Variants in GRM7 observed in about 807,000 individuals in gnomAD.
GRM7 encodes the protein metabotropic glutamate receptor 7.
Under a neutral mutation model 84.5 loss-of-function variants are expected in GRM7, and 35 were observed. The observed-to-expected ratio is 0.41, with a 90% CI of 0.32 to 0.55. The LOEUF is 0.55. Ranked by LOEUF, GRM7 falls within the 20% of genes least tolerant of loss-of-function variation. The pLI, the probability that GRM7 is intolerant of heterozygous loss-of-function variation, is 0.19. For synonymous variants in GRM7, 487 were observed against 455.1 expected, an observed-to-expected ratio of 1.07 and a Z score of -0.89; for missense variants, 1,003 against 1,194.6, an observed-to-expected ratio of 0.84 and a Z score of 2.36.
chr3:7,606,594 C>T (rs571616479), intron 8 of GRM7, among the ~76,000 whole-genome samples: 20 of 152,184 alleles, frequency 1.3e-4, no homozygotes, highest in Non-Finnish European at 2.1e-4. Flanking sequence ...TGTGCAGTGG[C>T]GCAATCTCGG....
chr3:7,739,463 T>C (rs185278827), intron 9 of GRM7, among the ~76,000 whole-genome samples: 34 of 152,276 alleles, frequency 2.2e-4, no homozygotes, highest in African/African-American at 6.7e-4. Context: ...CTGTGCCCAA[T>C]AGAAACTGAT....
chr3:7,717,430 T>C (rs1701804509), intron 9 of GRM7, among the ~76,000 whole-genome samples: 1 of 152,172 alleles, frequency 6.6e-6, no homozygotes, highest in Non-Finnish European at 1.5e-5. Context: ...GTATATATTT[T>C]TTCTCCACCA....
intron 7 of GRM7, among the ~76,000 whole-genome samples, chr3:7,574,818 T>C (rs1694880656): frequency 6.6e-6 from 1 of 152,178 alleles, no homozygotes; most frequent in Non-Finnish European, 1.5e-5. Context: ...TGAGCTTTCT[T>C]TCAAAGCGAT....
At chr3:7,693,692 G>C in intron 9 of GRM7, 3 of 1,513,846 alleles carry the variant, frequency 2.0e-6, no homozygotes, top group Non-Finnish European at 2.7e-6. Flanking sequence ...GATTGTCTGA[G>C]GCAAGTATCT....
chr3:7,643,039 G>A (rs745569039), intron 8 of GRM7, among the ~76,000 whole-genome samples: 1 of 152,094 alleles, frequency 6.6e-6, no homozygotes, highest in Non-Finnish European at 1.5e-5. Flanking sequence ...TTAAGACGGG[G>A]CTTTTTGCAG....
intron 1 of GRM7, among the ~76,000 whole-genome samples, chr3:6,894,582 T>C (rs1209563847): frequency 1.3e-5 from 2 of 152,166 alleles, no homozygotes; most frequent in Non-Finnish European, 2.9e-5. Context: ...TGTGTGTATA[T>C]ATGTATATAC....
At chr3:7,377,897 C>T (rs1361424653) in intron 4 of GRM7, among the ~76,000 whole-genome samples, 1 of 152,092 alleles carries the variant, frequency 6.6e-6, no homozygotes, top group Non-Finnish European at 1.5e-5. Context: ...AAAGCCTTTG[C>T]AAAAAGATCC....
chr3:6,940,814 T>A (rs1697866274), intron 1 of GRM7, among the ~76,000 whole-genome samples: 1 of 152,222 alleles, frequency 6.6e-6, no homozygotes, highest in South Asian at 2.1e-4. Context: ...GATAGAGATA[T>A]GGAATAACCA....
rs1296752340 is a variant in GRM7, at chr3:7,149,319, T to A, written c.736+2651T>A. Among the ~76,000 whole-genome samples the A allele has an allele frequency of 1.3e-5, 2 of 152,176 alleles. 1 individual carries two copies. Among genetic ancestry groups the A allele is most frequent in the Non-Finnish European group, 2.9e-5 (2 of 68,024 alleles). ...GTGGGCCTCTCATAAGGCGCGCATC[T>A]TGCTGCTGCAAAGGTGATTCTGGTA... On this transcript the variant is annotated intron_variant, in intron 2 of 9. Transcript: ENST00000357716.
intron 1 of GRM7, among the ~76,000 whole-genome samples, chr3:6,994,723 T>C (rs181175624): frequency 4.3e-4 from 66 of 152,344 alleles, no homozygotes; most frequent in African/African-American, 1.5e-3. Context: ...CAGCCAGTGA[T>C]AGAAACAAAA....
chr3:7,432,012 C>T (rs1468850361), intron 5 of GRM7, among the ~76,000 whole-genome samples: 1 of 152,090 alleles, frequency 6.6e-6, no homozygotes, highest in African/African-American at 2.4e-5. Flanking sequence ...AGTGTGGCTT[C>T]CCAGATACTC....
intron 8 of GRM7, among the ~76,000 whole-genome samples, chr3:7,649,108 T>C (rs969157276): frequency 1.8e-4 from 27 of 152,112 alleles, no homozygotes; most frequent in African/African-American, 5.1e-4. Flanking sequence ...CTCGCTCTGT[T>C]GCCCAGGCTG....
At chr3:7,516,922 G>A (rs1173003683) in intron 7 of GRM7, among the ~76,000 whole-genome samples, 1 of 152,186 alleles carries the variant, frequency 6.6e-6, no homozygotes, top group Non-Finnish European at 1.5e-5. Flanking sequence ...TTTTATAAAT[G>A]TACCGTAATT....
At chr3:6,873,935 A>G (rs1695213927) in intron 1 of GRM7, among the ~76,000 whole-genome samples, 1 of 152,236 alleles carries the variant, frequency 6.6e-6, no homozygotes, top group South Asian at 2.1e-4. Flanking sequence ...ATTGAGTGAA[A>G]TATTCATACA....
intron 2 of GRM7, among the ~76,000 whole-genome samples, chr3:7,184,044 G>A (rs891584158): frequency 1.7e-4 from 26 of 152,192 alleles, no homozygotes; most frequent in African/African-American, 5.8e-4. Flanking sequence ...GAAATGAAAT[G>A]TATGTTTTGG....
intron 3 of GRM7, among the ~76,000 whole-genome samples, chr3:7,305,381 T>A (rs1486226077): frequency 2.4e-5 from 1 of 42,350 alleles, no homozygotes; most frequent in Non-Finnish European, 9.3e-5. Flanking sequence ...AGTTTTAGGA[T>A]ACATGTGCAC....
chr3:7,521,711 C>G (rs1362083290), intron 7 of GRM7, among the ~76,000 whole-genome samples: 1 of 152,122 alleles, frequency 6.6e-6, no homozygotes, highest in African/African-American at 2.4e-5. Context: ...GAGTTCATGT[C>G]TGATGAACCT....
rs1217615658 is a variant in GRM7 at position 7,022,697 on chromosome 3, C to T, written c.520-123755C>T. 5.9e-5 allele frequency among the ~76,000 whole-genome samples: 9 copies of T among 151,498 alleles called. 1 individual carries two copies. The highest frequency in any genetic ancestry group is 1.3e-4 in the Non-Finnish European group (9 of 67,954). ...TTAACTTTTTTTTTGGAAGAAAGAG[C>T]CCATGAAAGCAAAAGTGTCTTGAGC... On this transcript the variant is annotated intron_variant, in intron 1 of 9. Transcript: ENST00000357716.
At chr3:7,104,114 C>T (rs1206318470) in intron 1 of GRM7, among the ~76,000 whole-genome samples, 1 of 150,942 alleles carries the variant, frequency 6.6e-6, no homozygotes, top group Non-Finnish European at 1.5e-5. Context: ...GGGATTAGTG[C>T]CCTTATAAGA....
Sources: allele counts gnomAD v4.1 joint callset (sites outside exome capture counted in the v4.1 genomes callset), GRCh38; gene constraint gnomAD v4.1.1; transcripts MANE v1.5; gene names NCBI Gene and HGNC (gene_info 2026-07-23, HGNC 2026-07-21).